ATAD2: variants seen among roughly 807,000 people sequenced by gnomAD.
ATAD2 encodes the protein ATPase family AAA domain containing 2, also known as ATPase family AAA domain-containing protein 2.
In ATAD2, 62 loss-of-function variants were observed where a neutral mutation model predicts 168.9. The observed-to-expected ratio is 0.37, with a 90% CI of 0.30 to 0.45. ATAD2 has a LOEUF of 0.45. Among genes scored for constraint, ATAD2 ranks in the 20% least tolerant of loss-of-function variants. ATAD2 has a pLI of 1.00. For missense variants in ATAD2, 1,419 were observed against 1,667.8 expected, an observed-to-expected ratio of 0.85 and a Z score of 2.60; for synonymous variants, 613 against 571.6, an observed-to-expected ratio of 1.07 and a Z score of -1.03.
intron 7 of ATAD2, 52 bp from the exon 8 acceptor site, chr8:123,369,227 T>C (rs1829067228): frequency 3.0e-6 from 2 of 673,316 alleles, no homozygotes; most frequent in Non-Finnish European, 4.0e-6. Flanking sequence ...ATATATGGCA[T>C]ACAAATATGT....
intron 13 of ATAD2, among the ~76,000 whole-genome samples, chr8:123,355,002 G>T (rs1351089938): frequency 6.6e-6 from 1 of 150,996 alleles, no homozygotes; most frequent in Non-Finnish European, 1.5e-5. Flanking sequence ...TGATTATGAA[G>T]TGATGGAAGT....
chr8:123,346,884 A>G, intron 16 of ATAD2, 134 bp from the exon 17 acceptor site: 3 of 1,142,986 alleles, frequency 2.6e-6, no homozygotes, highest in Non-Finnish European at 3.7e-6. Context: ...ATATGAATTA[A>G]TAAGTAAATG....
chr8:123,337,237 C>T (rs1827944715), intron 21 of ATAD2, among the ~76,000 whole-genome samples: 2 of 151,934 alleles, frequency 1.3e-5, no homozygotes, highest in East Asian at 1.9e-4. Flanking sequence ...GTGGCACACG[C>T]CTGTAGTCCC....
At chr8:123,371,177 T>C in intron 5 of ATAD2, 59 bp downstream of exon 5, 1 of 1,340,368 alleles carries the variant, frequency 7.5e-7, no homozygotes, top group Non-Finnish European at 1.0e-6. Flanking sequence ...ATGGATTAGG[T>C]ACTATAAAAA....
At chr8:123,322,114 A>C (rs1827485902) in intron 27 of ATAD2, among the ~76,000 whole-genome samples, 1 of 151,184 alleles carries the variant, frequency 6.6e-6, no homozygotes, top group Non-Finnish European at 1.5e-5. Context: ...CAGCCACCCG[A>C]GTAGCTAGGA....
chr8:123,374,805 G>C (rs773937372), intron 2 of ATAD2, among the ~76,000 whole-genome samples: 6 of 152,132 alleles, frequency 3.9e-5, no homozygotes, highest in African/African-American at 1.4e-4. Flanking sequence ...TACGGTATAC[G>C]CAAGTTTAAA....
chr8:123,337,611 G>A lies in ATAD2; in HGVS notation c.3051+14C>T. ...TGGCCTAGAATACACTTGATCCAAAGATTAAACTAATACCTCATCAGGGTC... is the reference window on the plus strand; with the variant it reads ...TGGCCTAGAATACACTTGATCCAAAAATTAAACTAATACCTCATCAGGGTC... On this transcript the variant is annotated intron_variant, in intron 21 of 27. Transcript: ENST00000287394. 1 of 1,579,520 alleles carries A rather than the reference G, an allele frequency of 6.3e-7. No homozygotes were observed. Among genetic ancestry groups the A allele is most frequent in the Non-Finnish European group, 8.6e-7 (1 of 1,163,718 alleles).
Position 123,347,359 on chromosome 8 carries a change from A to C in ATAD2, c.1945T>G (p.Cys649Gly), listed in dbSNP as rs1554643553. ...IKSICAEAAL[C>G]ALRRRYPQIY... is the part of the protein sequence containing the mutation. ...TGTGGGTAGCGTCGTCGTAAAGCAC[A>C]TAAAGCAGCTTCAGCACATATTGAT... is the stretch of plus-strand genomic sequence containing the variant. Residue 649 changes from cysteine (C) to glycine (G), a missense_variant, in exon 16 of 28, where the codon TGT (cysteine) becomes GGT (glycine). Coordinates refer to ENST00000287394, the MANE Select transcript of ATAD2 (RefSeq NM_014109.4). 3 of 1,613,972 alleles carry C rather than the reference A, an allele frequency of 1.9e-6. No individual in the cohort carries two copies. In the South Asian group the frequency reaches 3.3e-5, roughly 18 times the overall value.
intron 11 of ATAD2, among the ~76,000 whole-genome samples, chr8:123,358,615 G>A (rs965968960): frequency 3.3e-5 from 5 of 151,800 alleles, no homozygotes; most frequent in Non-Finnish European, 7.4e-5. Flanking sequence ...CAAAGTGCTG[G>A]GATTACAGGC....
rs757258694 is a variant in ATAD2 at position 123,371,265 on chromosome 8, C to G, written c.610G>C (p.Asp204His). 1 of 1,609,926 alleles carries G rather than the reference C, an allele frequency of 6.2e-7. No homozygotes were observed. The highest frequency in any genetic ancestry group is 8.5e-7 in the Non-Finnish European group (1 of 1,178,434). Residue 204 changes from aspartate to histidine, a missense_variant, in exon 5 of 28, where the codon GAC becomes CAC. Transcript: ENST00000287394. ...MRRQRMRELE[D>H]LGVFNETEES... ...TCTGTTTCATTAAACACTCCCAAGT[C>G]TTCAAGTTCTCTCATTCGCTGTCTA...
chr8:123,323,006 A>G lies in ATAD2; in HGVS notation c.4063T>C (p.Leu1355=), dbSNP rs772563159. 1.5e-5 allele frequency: 25 copies of G among 1,613,146 alleles called. No homozygotes were observed. The highest frequency in any genetic ancestry group is 2.1e-5 in the Non-Finnish European group (25 of 1,179,198). ...ATACATTGGCTGATTACTGCATACA[A>G]ATTTTCCAACTGAAATATGTTGTAG... ...QNYNIFQLEN[L]YAVISQCIYR... Residue 1355 remains leucine, a synonymous_variant, in exon 27 of 28, where the codon TTG becomes CTG. Transcript: ENST00000287394.
intron 24 of ATAD2, among the ~76,000 whole-genome samples, chr8:123,332,273 A>C (rs1827796209): frequency 6.6e-6 from 1 of 152,184 alleles, no homozygotes; most frequent in Non-Finnish European, 1.5e-5. Context: ...TGTGTACCTC[A>C]AACTCGTATT....
chr8:123,415,902 A>G (rs901049539), intron 1 of ATAD2, among the ~76,000 whole-genome samples: 2 of 152,160 alleles, frequency 1.3e-5, no homozygotes, highest in Non-Finnish European at 2.9e-5. Context: ...CCTAAACACT[A>G]TTTTAACAAT....
At chr8:123,384,494 G>C (rs1829590360) in intron 1 of ATAD2, among the ~76,000 whole-genome samples, 2 of 152,096 alleles carry the variant, frequency 1.3e-5, no homozygotes, top group African/African-American at 4.8e-5. Flanking sequence ...CTTCACTCTG[G>C]TCACAGGTAG....
At chr8:123,412,641 C>T (rs1813176785) in intron 1 of ATAD2, among the ~76,000 whole-genome samples, 1 of 151,538 alleles carries the variant, frequency 6.6e-6, no homozygotes, top group Non-Finnish European at 1.5e-5. Context: ...TGCTGTGTTG[C>T]TTAGGTTGGT....
At chr8:123,384,810 C>T (rs12545084) in intron 1 of ATAD2, among the ~76,000 whole-genome samples, 1 of 152,190 alleles carries the variant, frequency 6.6e-6, no homozygotes, top group African/African-American at 2.4e-5. Flanking sequence ...ATCTTACTTT[C>T]TAAGTTTTAT....
chr8:123,392,206 A>G (rs973916187), intron 1 of ATAD2, among the ~76,000 whole-genome samples: 1 of 152,200 alleles, frequency 6.6e-6, no homozygotes, highest in Non-Finnish European at 1.5e-5. Flanking sequence ...TTGCCAAAAA[A>G]AAAGTCAAAA....
At chr8:123,332,441 T>C (rs1203565656) in intron 24 of ATAD2, among the ~76,000 whole-genome samples, 2 of 152,180 alleles carry the variant, frequency 1.3e-5, no homozygotes, top group Non-Finnish European at 2.9e-5. Context: ...AAAAAGTAAA[T>C]AATATCCTGA....
chr8:123,409,961 T>C (rs931335487), intron 1 of ATAD2, among the ~76,000 whole-genome samples: 2 of 142,226 alleles, frequency 1.4e-5, no homozygotes, highest in African/African-American at 5.1e-5. Context: ...AAAAAAAGCA[T>C]TAAAAGCACA....
Sources: allele counts gnomAD v4.1 joint callset (sites outside exome capture counted in the v4.1 genomes callset), GRCh38; gene constraint gnomAD v4.1.1; transcripts MANE v1.5; gene names NCBI Gene and HGNC (gene_info 2026-07-23, HGNC 2026-07-21).